The following PDZRN4 variants were observed in gnomAD, a reference collection of about 807,000 sequenced individuals.
The protein encoded by PDZRN4 is PDZ domain-containing RING finger protein 4.
Under a neutral mutation model 99.0 loss-of-function variants are expected in PDZRN4, and 70 were observed. That is an observed-to-expected ratio of 0.71 (90% CI 0.58 to 0.86). The LOEUF is 0.86. PDZRN4 is among the 40% of genes least tolerant of loss of function. PDZRN4 has a pLI of 0.00. For missense variants in PDZRN4, 1,474 were observed against 1,331.2 expected, an observed-to-expected ratio of 1.11 and a Z score of -1.67; for synonymous variants, 551 against 501.6, an observed-to-expected ratio of 1.10 and a Z score of -1.32.
At chr12:41,570,219 A>G (rs1227383740) in intron 9 of PDZRN4, among the ~76,000 whole-genome samples, 1 of 152,208 alleles carries the variant, frequency 6.6e-6, no homozygotes, top group East Asian at 1.9e-4. Context: ...GGTGAGAAGT[A>G]CAGAAACCTT....
chr12:41,223,726 C>T (rs553101923), intron 3 of PDZRN4, among the ~76,000 whole-genome samples: 22 of 152,204 alleles, frequency 1.4e-4, no homozygotes, highest in African/African-American at 4.8e-4. Context: ...TAGCAAGAGG[C>T]GGAAAGAACT....
At chr12:41,558,040 C>T (rs1592111798) in intron 7 of PDZRN4, among the ~76,000 whole-genome samples, 2 of 152,178 alleles carry the variant, frequency 1.3e-5, no homozygotes, top group South Asian at 4.2e-4. Flanking sequence ...TGTACAGCTT[C>T]GTTAAGAAAT....
chr12:41,390,562 C>CAAAA lies in PDZRN4; in HGVS notation c.844-115882_844-115879dup, dbSNP rs766893966. 5.9e-5 allele frequency among the ~76,000 whole-genome samples: 6 copies of CAAAA among 101,368 alleles called. 1 individual carries two copies. Among genetic ancestry groups the CAAAA allele is most frequent in the Admixed American group, 1.1e-4 (1 of 9,238 alleles). 66.5% of individuals were successfully genotyped at this position (101,368 alleles called of 152,430 possible). A position where few individuals can be genotyped will look rare whatever the true frequency, so the allele number is the denominator to read the frequency against. On this transcript the variant is annotated intron_variant, in intron 3 of 9. Transcript: ENST00000402685. Reference sequence around the variant, plus strand: ...AGTCTGGGGTTTGAGAACTCCTAAGCAAAAAAAAAAAAAAAGTAAAAGCTT... The same window carrying CAAAA: ...AGTCTGGGGTTTGAGAACTCCTAAGCAAAAAAAAAAAAAAAAAAAGTAAAAGCTT...
intron 3 of PDZRN4, among the ~76,000 whole-genome samples, chr12:41,289,009 A>T (rs745698397): frequency 2.0e-5 from 3 of 152,078 alleles, no homozygotes; most frequent in Non-Finnish European, 2.9e-5. Flanking sequence ...ATCTGAAAAA[A>T]AATTATCAGA....
At chr12:41,386,949 C>CAGA (rs1158392764) in intron 3 of PDZRN4, among the ~76,000 whole-genome samples, 1 of 152,160 alleles carries the variant, frequency 6.6e-6, no homozygotes, top group Non-Finnish European at 1.5e-5. Flanking sequence ...TGGACCCCTT[C>CAGA]TGTACAACAC....
At chr12:41,554,006 AC>A (rs1236225167) in intron 6 of PDZRN4, among the ~76,000 whole-genome samples, 1 of 152,114 alleles carries the variant, frequency 6.6e-6, no homozygotes, top group East Asian at 1.9e-4. Context: ...AAACAACACA[AC>A]TCTGTAAGTG....
At chr12:41,419,365 T>C (rs1165882798) in intron 3 of PDZRN4, among the ~76,000 whole-genome samples, 2 of 151,972 alleles carry the variant, frequency 1.3e-5, no homozygotes, top group African/African-American at 4.8e-5. Context: ...TTGGGATCCA[T>C]GCAGACAATG....
In PDZRN4 at chr12:41,552,646, G is replaced by T; in HGVS notation, c.1204-10G>T. 1 of 1,604,646 alleles carries T rather than the reference G, an allele frequency of 6.2e-7. No individual in the cohort carries two copies. ...GACATAAATGTCATCTGTGTGTGTT[G>T]TTCTTTCAGGAGGTCGAGTTGTGTC... On this transcript the variant is annotated splice_polypyrimidine_tract_variant and intron_variant, in intron 5 of 9. Transcript: ENST00000402685.
At chr12:41,449,616 G>A (rs1160184) in intron 3 of PDZRN4, among the ~76,000 whole-genome samples, 77,352 of 151,824 alleles carry the variant, frequency 0.51, 20,167 homozygotes, top group African/African-American at 0.64. Flanking sequence ...AGAAAGACAG[G>A]GAGGAACAAA....
chr12:41,335,327 C>T, intron 3 of PDZRN4, among the ~76,000 whole-genome samples: 1 of 151,516 alleles, frequency 6.6e-6, no homozygotes, highest in East Asian at 1.9e-4. Context: ...AAGTTTGTTA[C>T]ATATGTATAC....
At chr12:41,484,799 T>C (rs2120610187) in intron 3 of PDZRN4, among the ~76,000 whole-genome samples, 1 of 152,238 alleles carries the variant, frequency 6.6e-6, no homozygotes, top group East Asian at 1.9e-4. Flanking sequence ...CTTGTCCTAA[T>C]AGTCTTTGTG....
chr12:41,381,659 C>T (rs1367198565), intron 3 of PDZRN4, among the ~76,000 whole-genome samples: 2 of 151,866 alleles, frequency 1.3e-5, no homozygotes, highest in African/African-American at 4.8e-5. Flanking sequence ...GCTTAATTTC[C>T]ATGTTTTCTT....
At chr12:41,302,229 AGTTT>A (rs892628606) in intron 3 of PDZRN4, among the ~76,000 whole-genome samples, 1 of 152,082 alleles carries the variant, frequency 6.6e-6, no homozygotes, top group African/African-American at 2.4e-5. Context: ...ATTTCTTTGA[AGTTT>A]GTTTAATCTT....
At chr12:41,249,357 G>A (rs1356492499) in intron 3 of PDZRN4, among the ~76,000 whole-genome samples, 1 of 152,162 alleles carries the variant, frequency 6.6e-6, no homozygotes. Context: ...TGTATTGAAG[G>A]TGACTTGTAC....
intron 1 of PDZRN4, among the ~76,000 whole-genome samples, chr12:41,191,203 A>G (rs1022103442): frequency 3.3e-5 from 5 of 152,224 alleles, no homozygotes; most frequent in African/African-American, 1.2e-4. Context: ...TTCCTGTCTC[A>G]AAATGCAAAG....
At chr12:41,324,047 A>G (rs1344507857) in intron 3 of PDZRN4, among the ~76,000 whole-genome samples, 2 of 152,058 alleles carry the variant, frequency 1.3e-5, no homozygotes, top group African/African-American at 4.8e-5. Flanking sequence ...CCAAAACCCC[A>G]CTTGCAGTAA....
chr12:41,546,283 AG>A (rs1192120478), intron 5 of PDZRN4, among the ~76,000 whole-genome samples: 1 of 152,148 alleles, frequency 6.6e-6, no homozygotes, highest in Admixed American at 6.5e-5. Flanking sequence ...AGGGTAGTTG[AG>A]GATTTCGGAA....
intron 5 of PDZRN4, among the ~76,000 whole-genome samples, chr12:41,517,926 GA>G (rs1938430952): frequency 6.6e-6 from 1 of 152,002 alleles, no homozygotes; most frequent in African/African-American, 2.4e-5. Flanking sequence ...TTAGCATTCA[GA>G]GCAAGTTAGC....
intron 5 of PDZRN4, among the ~76,000 whole-genome samples, chr12:41,515,624 ATCT>A (rs1938388461): frequency 6.6e-6 from 1 of 152,044 alleles, no homozygotes; most frequent in Non-Finnish European, 1.5e-5. Flanking sequence ...TCAGATGAGA[ATCT>A]TAGTCATGTA....
Sources: gnomAD v4.1 joint callset for allele counts (sites outside exome capture counted in the v4.1 genomes callset) on GRCh38, gnomAD v4.1.1 for gene constraint, MANE v1.5 for transcripts, NCBI Gene and HGNC (gene_info 2026-07-23, HGNC 2026-07-21) for gene names.